The following APOBEC2 variants were observed in gnomAD, a reference collection of about 807,000 sequenced individuals.
APOBEC2 encodes the protein C->U-editing enzyme APOBEC-2.
In APOBEC2, 14 loss-of-function variants were observed where a neutral mutation model predicts 19.4. The ratio of observed to expected loss-of-function variants is 0.72; its 90% confidence interval spans 0.48 to 1.13. APOBEC2 has a LOEUF of 1.13. APOBEC2 is among the 50% of genes most tolerant of loss of function. The pLI is 0.00. For missense variants in APOBEC2, 304 were observed against 277.0 expected (o/e 1.10, Z -0.69); for synonymous variants, 127 against 112.1 (o/e 1.13, Z -0.84).
Position 41,053,254 on chromosome 6 carries a change from G to C in APOBEC2, c.-94G>C. 6.7e-7 allele frequency: 1 copy of C among 1,493,330 alleles called. No individual in the cohort carries two copies. Among genetic ancestry groups the C allele is most frequent in the East Asian group, 2.3e-5 (1 of 43,400 alleles). The allele number at this position is 1,493,330 out of a possible 1,614,324, so 92.5% of individuals were successfully genotyped here. ...CCGTCATCCCCAGCCAGATTTAGCT[G>C]CTGACAGCTGCTTGGGACTCTGCCG... On this transcript the variant is annotated 5_prime_UTR_variant, in exon 1 of 3. Coordinates refer to ENST00000244669, the MANE Select transcript of APOBEC2 (RefSeq NM_006789.4).
At chr6:41,062,373 T>G (rs1453526690) in intron 2 of APOBEC2, among the ~76,000 whole-genome samples, 1 of 152,238 alleles carries the variant, frequency 6.6e-6, no homozygotes, top group Non-Finnish European at 1.5e-5. Context: ...TCAGGGACAA[T>G]TTTTTCACTT....
At chr6:41,063,478 T>C (rs1762905412) in intron 2 of APOBEC2, among the ~76,000 whole-genome samples, 1 of 151,606 alleles carries the variant, frequency 6.6e-6, no homozygotes, top group African/African-American at 2.4e-5. Flanking sequence ...TATATTTTCC[T>C]TTCAGACATC....
At chr6:41,060,591 A>C (rs1762857847) in intron 1 of APOBEC2, among the ~76,000 whole-genome samples, 1 of 152,182 alleles carries the variant, frequency 6.6e-6, no homozygotes, top group Admixed American at 6.5e-5. Context: ...CTCAATACTA[A>C]ATACAGGCTT....
chr6:41,060,611 A>C (rs1762858171), intron 1 of APOBEC2, among the ~76,000 whole-genome samples: 1 of 152,192 alleles, frequency 6.6e-6, no homozygotes, highest in East Asian at 1.9e-4. Context: ...TAACTATCCC[A>C]AGATACCCTT....
rs776765800 is a variant in APOBEC2, at chr6:41,053,361, A to C, written c.14A>C (p.Glu5Ala). The change falls in exon 1 of 3, where the codon GAA (glutamate) becomes GCA (alanine). Residue 5 changes from glutamate to alanine, a missense_variant. Glu to Ala is a moderately radical substitution (Grantham distance 107). Coordinates refer to ENST00000244669, the MANE Select transcript of APOBEC2 (RefSeq NM_006789.4). MAQK[E>A]EAAVATEAAS... ...CACAGCCCCTCCATGGCCCAGAAGGAAGAGGCTGCTGTGGCCACTGAGGCT... is the reference window on the plus strand; with the variant it reads ...CACAGCCCCTCCATGGCCCAGAAGGCAGAGGCTGCTGTGGCCACTGAGGCT... The C allele has an allele frequency of 1.9e-6, 3 of 1,613,516 alleles. No individual in the cohort carries two copies. In the South Asian group the frequency reaches 3.3e-5, roughly 18 times the overall value.
chr6:41,056,058 A>G (rs1448012653), intron 1 of APOBEC2, among the ~76,000 whole-genome samples: 2 of 152,200 alleles, frequency 1.3e-5, no homozygotes, highest in Non-Finnish European at 2.9e-5. Flanking sequence ...CTTAAGACGG[A>G]GCTCTGAAGG....
At position 41,061,570 on chromosome 6, in the gene APOBEC2, C is replaced by T; in HGVS notation, c.374C>T (p.Ser125Phe). The T allele has an allele frequency of 6.2e-7, 1 of 1,614,202 alleles. No homozygotes were observed. The highest frequency in any genetic ancestry group is 1.3e-5 in the African/African-American group (1 of 75,046). ...TACAATGTCACCTGGTATGTGTCCT[C>T]CAGCCCCTGTGCAGCGTGTGCTGAC... ...LRYNVTWYVS[S>F]SPCAACADRI... is the part of the protein sequence containing the mutation. The change falls in exon 2 of 3, where the codon TCC becomes TTC. Residue 125 changes from serine to phenylalanine, a missense_variant. Coordinates refer to ENST00000244669, the MANE Select transcript of APOBEC2 (RefSeq NM_006789.4).
In APOBEC2 at chr6:41,061,612, T is replaced by G. The variant is rs1762877586; in HGVS notation, c.416T>G (p.Leu139Arg). 1 of 1,614,200 alleles carries G rather than the reference T, an allele frequency of 6.2e-7. No homozygotes were observed. The highest frequency in any genetic ancestry group is 8.5e-7 in the Non-Finnish European group (1 of 1,180,038). The change falls in exon 2 of 3, where the codon CTT becomes CGT. Residue 139 changes from leucine (L) to arginine (R), a missense_variant. Physicochemically the swap from Leu to Arg is moderately radical, Grantham distance 102. Coordinates refer to ENST00000244669, the MANE Select transcript of APOBEC2 (RefSeq NM_006789.4). The stretch of plus-strand genomic sequence containing the variant: ...TGTGCTGACCGCATTATCAAAACCC[T>G]TAGCAAGACCAAGAACCTGCGTCTG... The part of the protein sequence containing the change: ...AACADRIIKT[L>R]SKTKNLRLLI...
intron 2 of APOBEC2, among the ~76,000 whole-genome samples, chr6:41,063,509 G>T (rs2114032366): frequency 7.0e-6 from 1 of 143,474 alleles, no homozygotes; most frequent in Admixed American, 7.0e-5. Context: ...AAGGGCCCAG[G>T]TGCCTAACTA....
At chr6:41,060,199 T>C (rs1762854148) in intron 1 of APOBEC2, among the ~76,000 whole-genome samples, 2 of 152,164 alleles carry the variant, frequency 1.3e-5, no homozygotes, top group Admixed American at 1.3e-4. Context: ...TTTCATTTCC[T>C]AACCATCCAT....
chr6:41,061,160 T>A (rs1198035310), intron 1 of APOBEC2, among the ~76,000 whole-genome samples, 168 bp from the exon 2 acceptor site: 8 of 140,488 alleles, frequency 5.7e-5, no homozygotes, highest in Non-Finnish European at 9.7e-5. Context: ...TTAATGCTTT[T>A]TTTTTTTTTT....
intron 2 of APOBEC2, among the ~76,000 whole-genome samples, chr6:41,063,247 G>A (rs1762901985): frequency 6.6e-6 from 1 of 152,184 alleles, no homozygotes; most frequent in Non-Finnish European, 1.5e-5. Flanking sequence ...AAGTCAGTGA[G>A]CCTATGATAG....
chr6:41,059,033 C>T (rs903582345), intron 1 of APOBEC2, among the ~76,000 whole-genome samples: 5 of 152,122 alleles, frequency 3.3e-5, no homozygotes, highest in African/African-American at 1.2e-4. Flanking sequence ...GGGTCTTCTC[C>T]TCTTGCCTAG....
chr6:41,053,297 C>A lies in APOBEC2; in HGVS notation c.-51C>A. On this transcript the variant is annotated 5_prime_UTR_variant, in exon 1 of 3. Coordinates refer to ENST00000244669, the MANE Select transcript of APOBEC2 (RefSeq NM_006789.4). ...CTCTGCCGCCAGGGCCTGGCCCAGACCTGCCTGCCTCTCTCCTCTCCCTCA... is the reference window on the plus strand; with the variant it reads ...CTCTGCCGCCAGGGCCTGGCCCAGAACTGCCTGCCTCTCTCCTCTCCCTCA... 2.5e-6 allele frequency: 4 copies of A among 1,594,112 alleles called. No individual in the cohort carries two copies. The highest frequency in any genetic ancestry group is 3.4e-5 in the Admixed American group (2 of 58,372).
intron 2 of APOBEC2, among the ~76,000 whole-genome samples, chr6:41,062,930 G>A (rs541132447): frequency 3.9e-5 from 6 of 152,210 alleles, no homozygotes; most frequent in East Asian, 1.9e-4. Flanking sequence ...AGTAATAGAG[G>A]AGGGGTACTC....
intron 1 of APOBEC2, among the ~76,000 whole-genome samples, chr6:41,057,235 G>C (rs570847607): frequency 9.8e-5 from 15 of 152,302 alleles, no homozygotes; most frequent in African/African-American, 3.1e-4. Context: ...GATAAGGAGT[G>C]AGGGGACTTC....
At chr6:41,056,037 G>A (rs1338899886) in intron 1 of APOBEC2, among the ~76,000 whole-genome samples, 9 of 152,228 alleles carry the variant, frequency 5.9e-5, no homozygotes, top group Admixed American at 5.9e-4. Flanking sequence ...AAGGGATCAG[G>A]TTTGGTAATG....
intron 1 of APOBEC2, among the ~76,000 whole-genome samples, chr6:41,059,823 T>C (rs565155415): frequency 1.4e-3 from 215 of 152,316 alleles, no homozygotes; most frequent in Middle Eastern, 6.8e-3. Context: ...GGGATTCCCC[T>C]GCAGCCCAGG....
intron 1 of APOBEC2, among the ~76,000 whole-genome samples, chr6:41,057,609 G>A (rs1343828602): frequency 6.6e-6 from 1 of 152,152 alleles, no homozygotes; most frequent in African/African-American, 2.4e-5. Context: ...AATGAAACCA[G>A]CAATCCTCCC....
Sources: gnomAD v4.1 joint callset for allele counts (sites outside exome capture counted in the v4.1 genomes callset) on GRCh38, gnomAD v4.1.1 for gene constraint, MANE v1.5 for transcripts, NCBI Gene and HGNC (gene_info 2026-07-23, HGNC 2026-07-21) for gene names.